The following WDFY3 variants were observed in gnomAD, a reference collection of about 807,000 sequenced individuals.
WDFY3 encodes WD repeat and FYVE domain containing 3, also known as WD repeat and FYVE domain-containing protein 3.
WDFY3 carries 66 observed loss-of-function variants against 409.6 expected under a neutral mutation model. The observed-to-expected ratio is 0.16, with a 90% CI of 0.13 to 0.20. The LOEUF is 0.20. WDFY3 is among the 10% of genes least tolerant of loss of function. The probability of loss-of-function intolerance (pLI) is 1.00; values close to 1 mark genes in which losing one functional copy is unlikely to be tolerated. For missense variants in WDFY3, 3,031 were observed against 4,298.1 expected, an observed-to-expected ratio of 0.71 and a Z score of 8.24; for synonymous variants, 1,521 against 1,537.1, an observed-to-expected ratio of 0.99 and a Z score of 0.25.
chr4:84,802,643 T>C (rs749746748), intron 16 of WDFY3, among the ~76,000 whole-genome samples: 8 of 152,220 alleles, frequency 5.3e-5, no homozygotes, highest in South Asian at 2.1e-4. Flanking sequence ...TAGAGCAATA[T>C]AGCAATTCCA....
intron 49 of WDFY3, among the ~76,000 whole-genome samples, chr4:84,716,220 G>A (rs1021394484): frequency 6.6e-6 from 1 of 151,524 alleles, no homozygotes; most frequent in Non-Finnish European, 1.5e-5. Flanking sequence ...GGCGGATCAC[G>A]AGGTCAGGAG....
At chr4:84,803,556 G>T in intron 15 of WDFY3, 89 bp from the exon 16 acceptor site, 1 of 1,402,598 alleles carries the variant, frequency 7.1e-7, no homozygotes, top group Non-Finnish European at 9.6e-7. Context: ...TAACCAAAAA[G>T]CCTTGTTAGA....
intron 1 of WDFY3, among the ~76,000 whole-genome samples, chr4:84,943,511 A>T (rs1244640513): frequency 6.6e-6 from 1 of 152,164 alleles, no homozygotes; most frequent in Non-Finnish European, 1.5e-5. Context: ...CTCAGAAAAA[A>T]AAAAGAATAC....
chr4:84,742,213 A>C (rs1560640180), intron 37 of WDFY3, among the ~76,000 whole-genome samples: 1 of 152,216 alleles, frequency 6.6e-6, no homozygotes, highest in Non-Finnish European at 1.5e-5. Context: ...TGTCAGTCAC[A>C]GCTGTTCTCC....
At chr4:84,789,990 G>A in intron 21 of WDFY3, 83 bp from the exon 22 acceptor site, 4 of 1,400,078 alleles carry the variant, frequency 2.9e-6, no homozygotes, top group South Asian at 1.3e-5. Flanking sequence ...AGCATGTTTT[G>A]ACTTTATGTT....
chr4:84,915,087 T>G (rs1291216048), intron 2 of WDFY3, among the ~76,000 whole-genome samples: 1 of 152,176 alleles, frequency 6.6e-6, no homozygotes, highest in East Asian at 1.9e-4. Context: ...TGACCAATAT[T>G]GTATGATCAT....
chr4:84,718,088 AT>A (rs1336333289), intron 48 of WDFY3, among the ~76,000 whole-genome samples: 31 of 143,594 alleles, frequency 2.2e-4, no homozygotes, highest in African/African-American at 7.9e-4. Flanking sequence ...AAAAAAGAGT[AT>A]TTTCTCTACA....
At chr4:84,679,276 G>T in intron 64 of WDFY3, 34 bp from the exon 65 acceptor site, 1 of 1,452,902 alleles carries the variant, frequency 6.9e-7, no homozygotes, top group South Asian at 1.5e-5. Flanking sequence ...GGAACATACG[G>T]AACCATCAAA....
intron 13 of WDFY3, among the ~76,000 whole-genome samples, chr4:84,812,416 G>A (rs568639208): frequency 2.0e-5 from 3 of 151,976 alleles, no homozygotes; most frequent in South Asian, 2.1e-4. Flanking sequence ...AGGATGCTTG[G>A]GGTCATATTC....
intron 35 of WDFY3, among the ~76,000 whole-genome samples, chr4:84,753,393 G>A (rs1740874683): frequency 6.6e-6 from 1 of 152,024 alleles, no homozygotes; most frequent in African/African-American, 2.4e-5. Context: ...TACACAGCTG[G>A]CATCGCGTAA....
At chr4:84,679,350 A>G in intron 64 of WDFY3, 108 bp from the exon 65 acceptor site, 1 of 1,126,218 alleles carries the variant, frequency 8.9e-7, no homozygotes, top group Non-Finnish European at 1.2e-6. Context: ...TATAGACATA[A>G]TATTTTAAGC....
At chr4:84,724,326 A>G in intron 46 of WDFY3, 100 bp downstream of exon 46, 1 of 1,332,338 alleles carries the variant, frequency 7.5e-7, no homozygotes, top group Non-Finnish European at 1.0e-6. Flanking sequence ...ATATTTTTAA[A>G]GTTGGCCCTA....
chr4:84,721,602 G>A, intron 46 of WDFY3, 30 bp from the exon 47 acceptor site: 1 of 1,598,298 alleles, frequency 6.3e-7, no homozygotes, highest in South Asian at 1.1e-5. Flanking sequence ...AGGGCCATGT[G>A]GCATTGTAAG....
Position 84,736,310 on chromosome 4 carries a change from T to C in WDFY3, c.6775A>G (p.Ile2259Val), listed in dbSNP as rs768601762. The C allele has an allele frequency of 2.3e-5, 36 of 1,593,278 alleles. No homozygotes were observed. The East Asian group carries it at 5.6e-4, about 25-fold the overall frequency. ...GGCGCTAAAGCTTCTCCTCGACTTATGCATTTCTTTTCATGGGCTATTAAA... is the reference window on the plus strand; with the variant it reads ...GGCGCTAAAGCTTCTCCTCGACTTACGCATTTCTTTTCATGGGCTATTAAA... ...QNHLAHEKKC[I>V]SRGEALAPTT... is the part of the protein sequence containing the mutation. The change falls in exon 42 of 68, where the codon ATA becomes GTA. Residue 2259 changes from isoleucine to valine, a missense_variant. Ile to Val is a conservative substitution (Grantham distance 29). Around this residue, in one of 16 missense-constraint regions of WDFY3, gnomAD observed 98 missense variants for 194.9 expected, o/e 0.50. Transcript: ENST00000295888.
chr4:84,918,698 A>T (rs1380159529), intron 2 of WDFY3, among the ~76,000 whole-genome samples: 2 of 151,810 alleles, frequency 1.3e-5, no homozygotes, highest in African/African-American at 4.8e-5. Flanking sequence ...AAAAGGGAGA[A>T]TTGGAGGTAT....
At chr4:84,849,117 A>G (rs1758514052) in intron 5 of WDFY3, among the ~76,000 whole-genome samples, 1 of 152,170 alleles carries the variant, frequency 6.6e-6, no homozygotes, top group South Asian at 2.1e-4. Context: ...CTTTACCAAA[A>G]TTAGGAATTA....
At position 84,798,009 on chromosome 4, in the gene WDFY3, T is replaced by G; in HGVS notation, c.2922A>C (p.Glu974Asp). The change falls in exon 18 of 68, where the codon GAA becomes GAC. Residue 974 changes from glutamate to aspartate, a missense_variant. Physicochemically the swap from Glu to Asp is conservative, Grantham distance 45 (BLOSUM62 2). Around this residue, in one of 16 missense-constraint regions of WDFY3, gnomAD observed 1,322 missense variants for 1,697.9 expected, o/e 0.78. Coordinates refer to ENST00000295888, the MANE Select transcript of WDFY3 (RefSeq NM_014991.6). ...RVHKPSSLSYEPEMRSSMITS... is the reference protein window; with the variant it reads ...RVHKPSSLSYDPEMRSSMITS... ...TTCAAAACTTACTTCTCATTTCTGG[T>G]TCATAACTCAGTGAACTTGGTTTGT... is the stretch of plus-strand genomic sequence containing the variant. 6.2e-7 allele frequency: 1 copy of G among 1,610,268 alleles called. No individual in the cohort carries two copies. Among genetic ancestry groups the G allele is most frequent in the African/African-American group, 1.3e-5 (1 of 74,894 alleles).
At chr4:84,775,897 T>G (rs1745469671) in intron 27 of WDFY3, among the ~76,000 whole-genome samples, 2 of 151,676 alleles carry the variant, frequency 1.3e-5, no homozygotes, top group African/African-American at 4.8e-5. Flanking sequence ...AAGAAAGAAA[T>G]GGAAGACTTT....
intron 8 of WDFY3, among the ~76,000 whole-genome samples, chr4:84,830,418 A>G (rs1056620026): frequency 3.3e-5 from 5 of 152,210 alleles, no homozygotes; most frequent in African/African-American, 9.7e-5. Context: ...ATAGGCTAAC[A>G]TAAGTGTTCT....
Sources: gnomAD v4.1 joint callset for allele counts (sites outside exome capture counted in the v4.1 genomes callset) on GRCh38, gnomAD v4.1.1 for gene constraint, gnomAD v4.1.1 regional missense constraint, MANE v1.5 for transcripts, NCBI Gene and HGNC (gene_info 2026-07-23, HGNC 2026-07-21) for gene names.